ADAMTS18: variants seen among roughly 807,000 people sequenced by gnomAD.
ADAMTS18 encodes the protein A disintegrin and metalloproteinase with thrombospondin motifs 18.
A neutral mutation model predicts 165.9 loss-of-function variants in ADAMTS18; 157 were observed. That is an observed-to-expected ratio of 0.95 (90% CI 0.83 to 1.08). ADAMTS18 has a LOEUF of 1.08. Ranked by LOEUF, ADAMTS18 falls within the 50% of genes least tolerant of loss-of-function variation. ADAMTS18 has a pLI of 0.00. For synonymous variants in ADAMTS18, 782 were observed against 578.2 expected (o/e 1.35, Z -5.06); for missense variants, 2,040 against 1,534.0 (o/e 1.33, Z -5.51).
chr16:77,312,124 A>C (rs1027873002), intron 16 of ADAMTS18, among the ~76,000 whole-genome samples: 2 of 152,188 alleles, frequency 1.3e-5, no homozygotes, highest in Non-Finnish European at 2.9e-5. Context: ...GTTGTCACTC[A>C]AGGTGCTGTC....
At chr16:77,396,291 CTG>C (rs2057255987) in intron 3 of ADAMTS18, among the ~76,000 whole-genome samples, 1 of 152,186 alleles carries the variant, frequency 6.6e-6, no homozygotes. Flanking sequence ...AATCAACTTA[CTG>C]TGTTTGCCGT....
At chr16:77,359,506 T>C (rs564089794) in intron 7 of ADAMTS18, 83 bp from the exon 8 acceptor site, 1 of 1,174,544 alleles carries the variant, frequency 8.5e-7, no homozygotes, top group African/African-American at 1.6e-5. Context: ...CAAAATGTTC[T>C]ACACAGTTTT....
chr16:77,298,332 C>T (rs761673465), intron 17 of ADAMTS18, among the ~76,000 whole-genome samples: 48 of 151,982 alleles, frequency 3.2e-4, no homozygotes, highest in Non-Finnish European at 6.0e-4. Context: ...TTTTTTAGTT[C>T]CCCAAATAGA....
At chr16:77,339,880 T>G (rs1448104636) in intron 11 of ADAMTS18, among the ~76,000 whole-genome samples, 1 of 151,114 alleles carries the variant, frequency 6.6e-6, no homozygotes. Flanking sequence ...TTTTAAGAGA[T>G]AGTGAATAAA....
intron 10 of ADAMTS18, among the ~76,000 whole-genome samples, chr16:77,353,180 C>G (rs58743560): frequency 0.011 from 1,642 of 152,228 alleles, 28 homozygotes; most frequent in African/African-American, 0.037. Context: ...AGTGTAACAA[C>G]GTGTCTCTCA....
intron 3 of ADAMTS18, among the ~76,000 whole-genome samples, chr16:77,374,122 G>C (rs1434054412): frequency 6.6e-6 from 1 of 151,880 alleles, no homozygotes; most frequent in Non-Finnish European, 1.5e-5. Flanking sequence ...AGGAGGCTGA[G>C]GCAGGAGAAT....
intron 3 of ADAMTS18, among the ~76,000 whole-genome samples, chr16:77,402,485 C>A (rs1597230454): frequency 6.6e-6 from 1 of 152,196 alleles, no homozygotes; most frequent in South Asian, 2.1e-4. Context: ...GGGCCTGGAG[C>A]ATTTGAGGTT....
chr16:77,323,199 C>T (rs2056034449), intron 13 of ADAMTS18, among the ~76,000 whole-genome samples: 1 of 152,100 alleles, frequency 6.6e-6, no homozygotes, highest in Non-Finnish European at 1.5e-5. Flanking sequence ...ATAGAAAGAG[C>T]TCTTCTTGGC....
intron 10 of ADAMTS18, among the ~76,000 whole-genome samples, chr16:77,343,412 A>G (rs191983105): frequency 1.3e-5 from 2 of 152,316 alleles, no homozygotes; most frequent in South Asian, 2.1e-4. Context: ...CCAGAACTAT[A>G]AGATAATAAA....
chr16:77,403,682 G>A (rs779680904), intron 3 of ADAMTS18, among the ~76,000 whole-genome samples: 12 of 152,048 alleles, frequency 7.9e-5, no homozygotes, highest in Non-Finnish European at 1.8e-4. Flanking sequence ...ATCTGTTAGG[G>A]GAGACTGAGT....
chr16:77,284,040 C>A lies in ADAMTS18; in HGVS notation c.3582G>T (p.Trp1194Cys). Reference sequence around the variant, plus strand: ...CACCATGCTGAGGAACTAGGTGACACCAGTTGAAGAAATCTACGCAGGATG... The same window carrying A: ...CACCATGCTGAGGAACTAGGTGACAACAGTTGAAGAAATCTACGCAGGATG... Reference protein sequence around the residue: ...EDPSCVDFFNWCHLVPQHGVC... With the variant: ...EDPSCVDFFNCCHLVPQHGVC... The change falls in exon 23 of 23, where the codon TGG (tryptophan) becomes TGT (cysteine). Residue 1194 changes from tryptophan (W) to cysteine (C), a missense_variant. Physicochemically the swap from Trp to Cys is radical, Grantham distance 215 (BLOSUM62 -2). Coordinates refer to ENST00000282849, the MANE Select transcript of ADAMTS18 (RefSeq NM_199355.4). 6.2e-7 allele frequency: 1 copy of A among 1,613,592 alleles called. No individual in the cohort carries two copies. Among genetic ancestry groups the A allele is most frequent in the Non-Finnish European group, 8.5e-7 (1 of 1,179,770 alleles).
In ADAMTS18 at chr16:77,404,990, A is replaced by G. The variant is rs1480153700; in HGVS notation, c.495+26305T>C. On this transcript the variant is annotated intron_variant, in intron 3 of 22. Transcript: ENST00000282849. ...TAATTAACAAGGCCAGAGCCCCCAG[A>G]GCGGGGGAATGTTTTTAGCACTGCT... Among the ~76,000 whole-genome samples, 3 of 152,176 alleles carry G rather than the reference A, an allele frequency of 2.0e-5. 1 individual carries two copies. The highest frequency in any genetic ancestry group is 4.4e-5 in the Non-Finnish European group (3 of 68,016).
At chr16:77,390,614 C>T (rs537133550) in intron 3 of ADAMTS18, among the ~76,000 whole-genome samples, 5 of 151,842 alleles carry the variant, frequency 3.3e-5, no homozygotes, top group East Asian at 3.9e-4. Context: ...TGCCTGAACC[C>T]GGCAGACGGA....
chr16:77,400,480 G>T (rs71396111), intron 3 of ADAMTS18, among the ~76,000 whole-genome samples: 26 of 104,080 alleles, frequency 2.5e-4, no homozygotes, highest in African/African-American at 7.0e-4. Context: ...GTGTGTGTGT[G>T]TTTTGTTTTT....
chr16:77,376,907 C>G (rs532921831), intron 3 of ADAMTS18, among the ~76,000 whole-genome samples: 27 of 150,588 alleles, frequency 1.8e-4, no homozygotes, highest in African/African-American at 6.6e-4. Context: ...CTCTATCTCC[C>G]AGGTTCAAGC....
chr16:77,413,095 A>G (rs1362082420), intron 3 of ADAMTS18, among the ~76,000 whole-genome samples: 1 of 152,150 alleles, frequency 6.6e-6, no homozygotes, highest in Non-Finnish European at 1.5e-5. Flanking sequence ...TCTGGCTAAT[A>G]TGCACCCATT....
intron 12 of ADAMTS18, among the ~76,000 whole-genome samples, chr16:77,335,336 G>C (rs1036562760): frequency 6.6e-6 from 1 of 151,296 alleles, no homozygotes; most frequent in Admixed American, 6.6e-5. Flanking sequence ...GAGCTGGGAA[G>C]GGTAGTGGGG....
rs191829516 is a variant in ADAMTS18 at position 77,423,558 on chromosome 16, C to T, written c.495+7737G>A. Among the ~76,000 whole-genome samples the T allele has an allele frequency of 4.6e-5, 7 of 152,180 alleles. No homozygotes were observed. The East Asian group carries it at 1.4e-3, about 29-fold the overall frequency. ...AGTACTATCATTATCCTCGACTTAT[C>T]AATGAAGAAATAAAGCATAGCCAGG... is the stretch of plus-strand genomic sequence containing the variant. On this transcript the variant is annotated intron_variant, in intron 3 of 22. Transcript: ENST00000282849.
chr16:77,371,777 G>A (rs2115418), intron 3 of ADAMTS18, among the ~76,000 whole-genome samples: 48,008 of 151,944 alleles, frequency 0.32, 8,582 homozygotes, highest in East Asian at 0.57. Flanking sequence ...AAATGGAAGT[G>A]TATCAATCTA....
Sources: allele counts gnomAD v4.1 joint callset (sites outside exome capture counted in the v4.1 genomes callset), GRCh38; gene constraint gnomAD v4.1.1; transcripts MANE v1.5; gene names NCBI Gene and HGNC (gene_info 2026-07-23, HGNC 2026-07-21).